PDE1A: variants seen among roughly 807,000 people sequenced by gnomAD.
The protein encoded by PDE1A is phosphodiesterase 1A, also known as dual specificity calcium/calmodulin-dependent 3',5'-cyclic nucleotide phosphodiesterase 1A.
In PDE1A, 35 loss-of-function variants were observed where a neutral mutation model predicts 61.7. The ratio of observed to expected loss-of-function variants is 0.57; its 90% confidence interval spans 0.43 to 0.75. PDE1A has a LOEUF of 0.75. Among genes scored for constraint, PDE1A ranks in the 30% least tolerant of loss-of-function variants. The probability of loss-of-function intolerance (pLI) is 0.00; values close to 1 mark genes in which losing one functional copy is unlikely to be tolerated. For synonymous variants in PDE1A, 232 were observed against 213.2 expected (o/e 1.09, Z -0.77); for missense variants, 597 against 630.6 (o/e 0.95, Z 0.57).
chr2:182,160,382 G>A (rs1691312740), intron 13 of PDE1A, among the ~76,000 whole-genome samples: 1 of 152,112 alleles, frequency 6.6e-6, no homozygotes, highest in Non-Finnish European at 1.5e-5. Flanking sequence ...CCCTCAATGT[G>A]GGCAGGCACC....
At chr2:182,270,884 G>C (rs896552441) in intron 1 of PDE1A, among the ~76,000 whole-genome samples, 19 of 151,656 alleles carry the variant, frequency 1.3e-4, no homozygotes, top group Non-Finnish European at 2.7e-4. Flanking sequence ...AAATAATGAA[G>C]TCTTATCTAT....
chr2:182,542,437 G>A, the PDE1A span, among the ~76,000 whole-genome samples: 21 of 152,218 alleles, frequency 1.4e-4, no homozygotes, highest in South Asian at 4.1e-3. Flanking sequence ...CATCACTGAA[G>A]ATGTATGAAA....
the PDE1A span, among the ~76,000 whole-genome samples, chr2:182,623,280 G>A: frequency 6.6e-6 from 1 of 152,176 alleles, no homozygotes; most frequent in Non-Finnish European, 1.5e-5. Flanking sequence ...GACTGGTATA[G>A]ACATTGCATG....
chr2:182,530,595 A>G, the PDE1A span, among the ~76,000 whole-genome samples: 1 of 152,204 alleles, frequency 6.6e-6, no homozygotes, highest in African/African-American at 2.4e-5. Flanking sequence ...ATCAGAAACC[A>G]TAGAGGGCAG....
At chr2:182,386,844 G>A (rs1231539139) in intron 1 of PDE1A, among the ~76,000 whole-genome samples, 1 of 151,372 alleles carries the variant, frequency 6.6e-6, no homozygotes, top group African/African-American at 2.4e-5. Flanking sequence ...GGGAGGTGGG[G>A]GGCGCCTCTG....
intron 13 of PDE1A, among the ~76,000 whole-genome samples, chr2:182,170,288 AT>A (rs949775907): frequency 7.0e-4 from 106 of 151,988 alleles, no homozygotes; most frequent in African/African-American, 2.3e-3. Context: ...GTTAGCTGTA[AT>A]TTTTTTTGTA....
rs1225654440 is a variant in PDE1A, at chr2:182,375,615, G to A, written c.53+50963C>T. 2.0e-5 allele frequency among the ~76,000 whole-genome samples: 3 copies of A among 152,166 alleles called. No individual in the cohort carries two copies. The East Asian group carries it at 5.8e-4, about 29-fold the overall frequency. On this transcript the variant is annotated intron_variant, in intron 1 of 13. Coordinates refer to ENST00000351439, the Ensembl canonical transcript of PDE1A. ...TCTGTGGCTTTTCCAGGCACAAAGT[G>A]CAAGCTGTAGGTGCATTCTGGGGTC...
chr2:182,263,192 G>A (rs1384311249), intron 2 of PDE1A, among the ~76,000 whole-genome samples: 2 of 152,144 alleles, frequency 1.3e-5, no homozygotes, highest in Non-Finnish European at 2.9e-5. Context: ...TTAGCAATGC[G>A]GTGCGAGAGG....
At chr2:182,335,126 C>T (rs1697708476) in intron 1 of PDE1A, among the ~76,000 whole-genome samples, 1 of 152,112 alleles carries the variant, frequency 6.6e-6, no homozygotes, top group Non-Finnish European at 1.5e-5. Context: ...AGGACACAAA[C>T]AAATGGAAAA....
chr2:182,499,364 G>A (rs1023024296), intron 2 of PDE1A, among the ~76,000 whole-genome samples: 2 of 151,914 alleles, frequency 1.3e-5, no homozygotes, highest in African/African-American at 2.4e-5. Context: ...TTTCAGTAGA[G>A]ACAGGGTTTC....
chr2:182,289,799 CT>C (rs1196308226), intron 1 of PDE1A, among the ~76,000 whole-genome samples: 1 of 151,990 alleles, frequency 6.6e-6, no homozygotes, highest in Non-Finnish European at 1.5e-5. Context: ...CTACGAGTTA[CT>C]TTTTTGATGT....
At chr2:182,590,670 A>C in the PDE1A span, among the ~76,000 whole-genome samples, 1 of 152,322 alleles carries the variant, frequency 6.6e-6, no homozygotes, top group Non-Finnish European at 1.5e-5. Context: ...TGATTGCAGA[A>C]TTTGTACTTA....
intron 2 of PDE1A, among the ~76,000 whole-genome samples, chr2:182,459,790 A>C (rs1305215902): frequency 6.6e-6 from 1 of 152,152 alleles, no homozygotes; most frequent in Non-Finnish European, 1.5e-5. Context: ...ACCCCTAACA[A>C]ATATCCACTG....
At chr2:182,143,678 GCTAA>G (rs1057108556), downstream of PDE1A, among the ~76,000 whole-genome samples, 3 of 151,982 alleles carry the variant, frequency 2.0e-5, no homozygotes, top group African/African-American at 4.8e-5. Context: ...ACTACGCCCG[GCTAA>G]CTGTTTGTAT....
At chr2:182,290,335 G>A (rs1480534720) in intron 1 of PDE1A, among the ~76,000 whole-genome samples, 1 of 152,022 alleles carries the variant, frequency 6.6e-6, no homozygotes, top group Admixed American at 6.6e-5. Flanking sequence ...AATAAAATAA[G>A]ATAAATGTTT....
the PDE1A span, among the ~76,000 whole-genome samples, chr2:182,708,731 CA>C: frequency 6.6e-6 from 1 of 152,236 alleles, no homozygotes; most frequent in South Asian, 2.1e-4. Flanking sequence ...GACACAGAGC[CA>C]AACCATATTA....
intron 2 of PDE1A, among the ~76,000 whole-genome samples, chr2:182,248,865 T>C (rs538021946): frequency 5.9e-5 from 9 of 152,238 alleles, no homozygotes; most frequent in African/African-American, 1.9e-4. Context: ...ATAAAGGACA[T>C]GTTTCACGCA....
rs544602104 is a variant in PDE1A, at chr2:182,479,871, T to C, written c.101+42405A>G. Among the ~76,000 whole-genome samples, 169 of 151,406 alleles carry C rather than the reference T, an allele frequency of 1.1e-3. 1 individual carries two copies. The highest frequency in any genetic ancestry group is 3.6e-3 in the African/African-American group (151 of 41,492). On this transcript the variant is annotated intron_variant, in intron 2 of 14. Coordinates refer to the PDE1A transcript ENST00000410103. ...CCTGCAGAAGTCATTTGATTCTTTATGTACATAGGAAGAAAGGACTAAGTA... is the reference window on the plus strand; with the variant it reads ...CCTGCAGAAGTCATTTGATTCTTTACGTACATAGGAAGAAAGGACTAAGTA...
chr2:182,658,094 CTTTCCTCCTGTGTTAG>C, the PDE1A span, among the ~76,000 whole-genome samples: 5 of 144,326 alleles, frequency 3.5e-5, no homozygotes, highest in Non-Finnish European at 7.5e-5. Context: ...TTCTTCCTGC[CTTTCCTCCTGTGTTAG>C]TTTCCTAGGG....
Sources: allele counts gnomAD v4.1 joint callset (sites outside exome capture counted in the v4.1 genomes callset), GRCh38; gene constraint gnomAD v4.1.1; transcripts MANE v1.5; gene names NCBI Gene and HGNC (gene_info 2026-07-23, HGNC 2026-07-21).